The following NRXN1 variants were observed in gnomAD, a reference collection of about 807,000 sequenced individuals.
The protein encoded by NRXN1 is neurexin 1, also known as neurexin-1.
NRXN1 carries 39 observed loss-of-function variants against 150.9 expected under a neutral mutation model. The ratio of observed to expected loss-of-function variants is 0.26; its 90% confidence interval spans 0.20 to 0.34. NRXN1 has a LOEUF of 0.34. Ranked by LOEUF, NRXN1 falls within the 10% of genes least tolerant of loss-of-function variation. The probability of loss-of-function intolerance (pLI) is 1.00; values close to 1 mark genes in which losing one functional copy is unlikely to be tolerated. For synonymous variants in NRXN1, 924 were observed against 757.0 expected, an observed-to-expected ratio of 1.22 and a Z score of -3.62; for missense variants, 1,815 against 1,949.9, an observed-to-expected ratio of 0.93 and a Z score of 1.30.
chr2:51,006,577 G>A (rs185126766), intron 2 of NRXN1, among the ~76,000 whole-genome samples: 2 of 151,786 alleles, frequency 1.3e-5, no homozygotes, highest in East Asian at 3.9e-4. Context: ...CCTACCATTT[G>A]AGCAACTATA....
At chr2:50,376,760 C>T (rs745988800) in intron 17 of NRXN1, among the ~76,000 whole-genome samples, 2 of 151,998 alleles carry the variant, frequency 1.3e-5, no homozygotes, top group African/African-American at 4.8e-5. Flanking sequence ...AGAGTCAGAG[C>T]TAGGATAAAG....
rs577362618 is a variant in NRXN1 at position 50,704,158 on chromosome 2, T to C, written c.833-80543A>G. Among the ~76,000 whole-genome samples, 4 of 152,162 alleles carry C rather than the reference T, an allele frequency of 2.6e-5. 1 individual carries two copies. The highest frequency in any genetic ancestry group is 7.2e-5 in the African/African-American group (3 of 41,562). On this transcript the variant is annotated intron_variant, in intron 5 of 22. Coordinates refer to ENST00000401669, the MANE Select transcript of NRXN1 (RefSeq NM_001330078.2). ...CTGGTGGCCAATATTATCTTTATTA[T>C]TCTCTACTGATAGAATAGTATGCAT...
chr2:50,273,843 T>C (rs912033769), intron 17 of NRXN1, among the ~76,000 whole-genome samples: 1 of 152,130 alleles, frequency 6.6e-6, no homozygotes, highest in African/African-American at 2.4e-5. Context: ...CTCATGTCAG[T>C]TAGAATGGCG....
chr2:50,056,945 C>T (rs1693740770), intron 19 of NRXN1, among the ~76,000 whole-genome samples: 1 of 152,110 alleles, frequency 6.6e-6, no homozygotes, highest in Admixed American at 6.6e-5. Flanking sequence ...TAGAGTCTTC[C>T]AATCATCAGG....
At position 50,999,924 on chromosome 2, in the gene NRXN1, G is replaced by T. The variant is rs147371666; in HGVS notation, c.772+27578C>A. 6.7e-3 allele frequency among the ~76,000 whole-genome samples: 1,019 copies of T among 152,142 alleles called. 14 individuals carry two copies. Among genetic ancestry groups the T allele is most frequent in the African/African-American group, 0.023 (955 of 41,532 alleles). Reference sequence around the variant, plus strand: ...GTAAGCTATTCTCTCTATGACGAATGAAACAGAATCATATTCCTATTTTTC... The same window carrying T: ...GTAAGCTATTCTCTCTATGACGAATTAAACAGAATCATATTCCTATTTTTC... On this transcript the variant is annotated intron_variant, in intron 2 of 22. Coordinates refer to ENST00000401669, the MANE Select transcript of NRXN1 (RefSeq NM_001330078.2).
At chr2:50,783,559 G>T (rs749904380) in intron 5 of NRXN1, among the ~76,000 whole-genome samples, 1 of 152,100 alleles carries the variant, frequency 6.6e-6, no homozygotes, top group African/African-American at 2.4e-5. Flanking sequence ...CACAGGCACA[G>T]TCATAAATCT....
intron 18 of NRXN1, among the ~76,000 whole-genome samples, chr2:50,195,325 A>T (rs1342877563): frequency 6.6e-6 from 1 of 152,146 alleles, no homozygotes; most frequent in Non-Finnish European, 1.5e-5. Context: ...ATTGTGTGTG[A>T]TCCAGCTGCT....
Position 50,708,843 on chromosome 2 carries a change from A to G in NRXN1, c.833-85228T>C, listed in dbSNP as rs143617503. On this transcript the variant is annotated intron_variant, in intron 5 of 22. Transcript: ENST00000401669. Reference sequence around the variant, plus strand: ...AGAGCAGGGATCCAGGGTGACAGTGAAGAAACCCTAGGCTACAGAAGCCTG... The same window carrying G: ...AGAGCAGGGATCCAGGGTGACAGTGGAGAAACCCTAGGCTACAGAAGCCTG... 3.6e-3 allele frequency among the ~76,000 whole-genome samples: 541 copies of G among 152,282 alleles called. 2 individuals are homozygous for G. Among genetic ancestry groups the G allele is most frequent in the Middle Eastern group, 6.8e-3 (2 of 294 alleles).
rs566741630 is a variant in NRXN1 at position 49,919,098 on chromosome 2, C to T, written c.*2846G>A. ...GTAGTATTTGTTCTTTTAAAAAAGG[C>T]AACACATTACATGGATAAAAAAGAA... On this transcript the variant is annotated 3_prime_UTR_variant, in exon 23 of 23. Transcript: ENST00000401669. The T allele has an allele frequency of 6.6e-6, 1 of 152,120 alleles. No individual in the cohort carries two copies. Among genetic ancestry groups the T allele is most frequent in the East Asian group, 1.9e-4 (1 of 5,170 alleles). The allele number at this position is 152,120 out of a possible 1,614,324, so 9.4% of individuals were successfully genotyped here.
chr2:50,291,355 T>C (rs1244546003), intron 17 of NRXN1, among the ~76,000 whole-genome samples: 2 of 152,184 alleles, frequency 1.3e-5, no homozygotes, highest in African/African-American at 4.8e-5. Flanking sequence ...CTTAAGATTT[T>C]ATCCTTAACT....
intron 15 of NRXN1, among the ~76,000 whole-genome samples, chr2:50,486,267 G>A (rs1313821329): frequency 1.3e-5 from 2 of 152,208 alleles, no homozygotes; most frequent in East Asian, 1.9e-4. Context: ...TAATAACGAG[G>A]ATGATGGTGA....
intron 5 of NRXN1, among the ~76,000 whole-genome samples, chr2:50,647,594 T>C (rs1442470917): frequency 2.0e-5 from 3 of 151,908 alleles, no homozygotes; most frequent in African/African-American, 4.8e-5. Flanking sequence ...AATTGGCAAC[T>C]CATATAAAGA....
At chr2:50,610,642 C>CATATATATATATAT (rs71404969) in intron 8 of NRXN1, among the ~76,000 whole-genome samples, 1,874 of 42,664 alleles carry the variant, frequency 0.044, 207 homozygotes, top group Non-Finnish European at 0.052. Context: ...TAAATAGATA[C>CATATATATATATAT]ATATATATAT....
chr2:50,642,952 T>C (rs1684280184), intron 5 of NRXN1, among the ~76,000 whole-genome samples: 1 of 152,012 alleles, frequency 6.6e-6, no homozygotes, highest in African/African-American at 2.4e-5. Context: ...TTATATTCTA[T>C]TTAACTGTGA....
intron 9 of NRXN1, among the ~76,000 whole-genome samples, chr2:50,541,538 T>C (rs1029782841): frequency 1.3e-5 from 2 of 152,170 alleles, no homozygotes; most frequent in African/African-American, 4.8e-5. Flanking sequence ...AGCAAAGTAT[T>C]GTAAGAGAGT....
At chr2:50,373,291 TTTTTTATTATTATTATTA>T (rs2080165364) in intron 17 of NRXN1, among the ~76,000 whole-genome samples, 2 of 38,784 alleles carry the variant, frequency 5.2e-5, no homozygotes, top group Admixed American at 6.0e-4. Context: ...TTTTATTTTA[TTTTTTATTATTATTATTA>T]TTATTATTAT....
chr2:50,061,737 C>T (rs1336929434), intron 19 of NRXN1, among the ~76,000 whole-genome samples: 2 of 152,156 alleles, frequency 1.3e-5, no homozygotes, highest in Non-Finnish European at 2.9e-5. Context: ...CACACTTTTC[C>T]CATGATAAAA....
chr2:50,805,781 T>C (rs1226631143), intron 5 of NRXN1, among the ~76,000 whole-genome samples: 1 of 152,218 alleles, frequency 6.6e-6, no homozygotes, highest in Non-Finnish European at 1.5e-5. Flanking sequence ...TATTTATGTT[T>C]CAAATTTCCC....
intron 5 of NRXN1, among the ~76,000 whole-genome samples, chr2:50,864,899 A>G (rs1042276950): frequency 6.6e-6 from 1 of 152,004 alleles, no homozygotes; most frequent in Admixed American, 6.6e-5. Flanking sequence ...CAGCAAGTCC[A>G]GGGTGGGGCC....
Sources: allele counts gnomAD v4.1 joint callset (sites outside exome capture counted in the v4.1 genomes callset), GRCh38; gene constraint gnomAD v4.1.1; transcripts MANE v1.5; gene names NCBI Gene and HGNC (gene_info 2026-07-23, HGNC 2026-07-21).